KDM4C: variants seen among roughly 807,000 people sequenced by gnomAD.
KDM4C encodes the protein lysine-specific demethylase 4C.
A neutral mutation model predicts 129.3 loss-of-function variants in KDM4C; 81 were observed. The observed-to-expected ratio is 0.63, with a 90% CI of 0.52 to 0.75. KDM4C has a LOEUF of 0.75. KDM4C is among the 30% of genes least tolerant of loss of function. KDM4C has a pLI of 0.00. For synonymous variants in KDM4C, 573 were observed against 456.1 expected (o/e 1.26, Z -3.26); for missense variants, 1,457 against 1,304.0 (o/e 1.12, Z -1.81).
intron 5 of KDM4C, among the ~76,000 whole-genome samples, chr9:6,866,857 A>G (rs1306440241): frequency 6.7e-6 from 1 of 148,818 alleles, no homozygotes; most frequent in Non-Finnish European, 1.5e-5. Context: ...CTCATATTTG[A>G]GTTCTAGGAA....
intron 19 of KDM4C, among the ~76,000 whole-genome samples, chr9:7,164,890 A>T (rs1248305658): frequency 6.6e-6 from 1 of 152,206 alleles, no homozygotes; most frequent in Non-Finnish European, 1.5e-5. Context: ...AATGCTATAT[A>T]AATGTCAGGT....
intron 1 of KDM4C, among the ~76,000 whole-genome samples, chr9:6,779,024 A>T (rs1823715120): frequency 4.9e-5 from 4 of 81,144 alleles, no homozygotes; most frequent in East Asian, 3.5e-4. Context: ...ACCAGGCCTG[A>T]TTAAAGTCTT....
intron 17 of KDM4C, among the ~76,000 whole-genome samples, chr9:7,090,652 C>G (rs1240681189): frequency 6.6e-6 from 1 of 152,148 alleles, no homozygotes; most frequent in African/African-American, 2.4e-5. Context: ...AATGACCTCC[C>G]CATAGAAGGT....
intron 1 of KDM4C, among the ~76,000 whole-genome samples, chr9:6,776,587 T>C (rs1397322134): frequency 2.1e-5 from 3 of 145,548 alleles, no homozygotes; most frequent in African/African-American, 7.6e-5. Flanking sequence ...TCAAGGCCTG[T>C]CTCAAACCCA....
chr9:7,086,945 C>T (rs1033988129), intron 17 of KDM4C, among the ~76,000 whole-genome samples: 5 of 152,190 alleles, frequency 3.3e-5, no homozygotes, highest in African/African-American at 9.6e-5. Context: ...ATCCTCCATG[C>T]GTCTCTGAGC....
At chr9:6,916,648 A>G (rs1820367053) in intron 8 of KDM4C, among the ~76,000 whole-genome samples, 1 of 152,254 alleles carries the variant, frequency 6.6e-6, no homozygotes, top group Admixed American at 6.5e-5. Flanking sequence ...AGTTACAGGC[A>G]AGATAATTTA....
At chr9:6,947,620 C>T (rs1042744333) in intron 8 of KDM4C, among the ~76,000 whole-genome samples, 11 of 151,730 alleles carry the variant, frequency 7.2e-5, no homozygotes, top group African/African-American at 1.7e-4. Flanking sequence ...GGTATGAGGC[C>T]GAGACCAACT....
chr9:7,152,954 A>G (rs936795139), intron 19 of KDM4C, among the ~76,000 whole-genome samples: 3 of 152,226 alleles, frequency 2.0e-5, no homozygotes, highest in African/African-American at 7.2e-5. Context: ...TAAAAATTAG[A>G]AGTACAGGGA....
At position 7,074,443 on chromosome 9, in the gene KDM4C, G is replaced by A. The variant is rs573999856; in HGVS notation, c.2424+25243G>A. On this transcript the variant is annotated intron_variant, in intron 17 of 21. Transcript: ENST00000381309. The stretch of plus-strand genomic sequence containing the variant: ...TGGTCTGCCAAAGTCCTGGGATTAC[G>A]GGTATGAGCCACTGTGCCCAGCATT... Among the ~76,000 whole-genome samples, 48 of 152,132 alleles carry A rather than the reference G, an allele frequency of 3.2e-4. No homozygotes were observed. The South Asian group carries it at 9.8e-3, about 31-fold the overall frequency.
intron 1 of KDM4C, among the ~76,000 whole-genome samples, chr9:6,773,505 C>T (rs1042323711): frequency 1.3e-5 from 2 of 152,148 alleles, no homozygotes; most frequent in Non-Finnish European, 2.9e-5. Flanking sequence ...GGCGTGGTGG[C>T]TCATGCCTGT....
At chr9:7,070,502 C>T (rs1387121762) in intron 17 of KDM4C, among the ~76,000 whole-genome samples, 1 of 152,022 alleles carries the variant, frequency 6.6e-6, no homozygotes, top group South Asian at 2.1e-4. Flanking sequence ...CAAACTGAAT[C>T]AGCAGTATAT....
At chr9:6,720,927 G>T in exon 1 of KDM4C, 1 of 1,550,718 alleles carries the variant, frequency 6.4e-7, no homozygotes, top group Non-Finnish European at 8.7e-7. Flanking sequence ...GCATTCATGT[G>T]GAAGAGGCTA....
Position 7,013,832 on chromosome 9 carries a change from A to G in KDM4C, c.2013A>G (p.Lys671=), listed in dbSNP as rs369768062. The change falls in exon 14 of 22, where the codon AAA becomes AAG. Residue 671 remains lysine (K), a synonymous_variant. Transcript: ENST00000381309. ...NEENDARWET[K]LDEVVTSEGK... ...AAAATGATGCTAGATGGGAGACAAA[A>G]TTAGATGAAGTCGTTACATCGGAGG... 13 of 1,613,922 alleles carry G rather than the reference A, an allele frequency of 8.1e-6. No homozygotes were observed. In the African/African-American group the frequency reaches 1.6e-4, roughly 20 times the overall value.
At chr9:6,810,480 A>G (rs1830946042) in intron 3 of KDM4C, among the ~76,000 whole-genome samples, 1 of 152,206 alleles carries the variant, frequency 6.6e-6, no homozygotes, top group Non-Finnish European at 1.5e-5. Context: ...GGGTTTAGAG[A>G]TGGTTTAAAA....
At chr9:7,007,059 A>G (rs189151924) in intron 12 of KDM4C, among the ~76,000 whole-genome samples, 20 of 152,350 alleles carry the variant, frequency 1.3e-4, no homozygotes, top group African/African-American at 3.6e-4. Flanking sequence ...CCAAGTTAGT[A>G]TCTGGTTTCC....
intron 18 of KDM4C, among the ~76,000 whole-genome samples, chr9:7,111,883 C>T (rs1392658254): frequency 6.6e-6 from 1 of 152,126 alleles, no homozygotes; most frequent in Non-Finnish European, 1.5e-5. Flanking sequence ...AAACAAGGAT[C>T]TGTTTTTAGG....
chr9:7,024,405 C>T (rs1825432293), intron 15 of KDM4C, among the ~76,000 whole-genome samples: 1 of 148,356 alleles, frequency 6.7e-6, no homozygotes, highest in African/African-American at 2.5e-5. Context: ...CATATGTATA[C>T]ATGTGCCATG....
chr9:7,039,631 A>G (rs1828224005), intron 15 of KDM4C, among the ~76,000 whole-genome samples: 1 of 152,102 alleles, frequency 6.6e-6, no homozygotes, highest in Non-Finnish European at 1.5e-5. Context: ...CACAATTAAC[A>G]CACAGTTTAT....
intron 18 of KDM4C, among the ~76,000 whole-genome samples, chr9:7,121,099 A>G (rs956689212): frequency 6.6e-6 from 1 of 152,210 alleles, no homozygotes; most frequent in Admixed American, 6.6e-5. Context: ...TTCTAGGCAT[A>G]CATATCTGTG....
Sources: allele counts gnomAD v4.1 joint callset (sites outside exome capture counted in the v4.1 genomes callset), GRCh38; gene constraint gnomAD v4.1.1; transcripts MANE v1.5; gene names NCBI Gene and HGNC (gene_info 2026-07-23, HGNC 2026-07-21).